Variants in PRDM5 observed in about 807,000 individuals in gnomAD.
PRDM5 encodes PR domain zinc finger protein 5.
A neutral mutation model predicts 81.2 loss-of-function variants in PRDM5; 56 were observed. The ratio of observed to expected loss-of-function variants is 0.69; its 90% confidence interval spans 0.56 to 0.86. PRDM5 has a LOEUF of 0.86. Ranked by LOEUF, PRDM5 falls within the 40% of genes least tolerant of loss-of-function variation. The probability of loss-of-function intolerance (pLI) is 0.00; values close to 1 mark genes in which losing one functional copy is unlikely to be tolerated. For missense variants in PRDM5, 697 were observed against 770.1 expected (o/e 0.91, Z 1.12); for synonymous variants, 267 against 256.4 (o/e 1.04, Z -0.39).
intron 15 of PRDM5, among the ~76,000 whole-genome samples, chr4:120,699,168 ATATATAT>A (rs1734960398): frequency 3.8e-4 from 11 of 29,188 alleles, no homozygotes; most frequent in Admixed American, 4.5e-4. Flanking sequence ...ATAAATATAT[ATATATAT>A]ATATATATAT....
chr4:120,694,762 A>G lies in PRDM5; in HGVS notation c.*349T>C. The G allele has an allele frequency of 1.5e-5, 4 of 275,370 alleles. No individual in the cohort carries two copies. The South Asian group carries it at 1.7e-4, about 12-fold the overall frequency. The allele number at this position is 275,370 out of a possible 1,614,324, so 17.1% of individuals were successfully genotyped here. A position where few individuals can be genotyped will look rare whatever the true frequency, so the allele number is the denominator to read the frequency against. On this transcript the variant is annotated 3_prime_UTR_variant, in exon 16 of 16. Coordinates refer to ENST00000264808, the MANE Select transcript of PRDM5 (RefSeq NM_018699.4). ...ACACAGACACACAGACACACAAAGA[A>G]TAACAATAAAATAAAAAGGCCTATT...
rs1434367067 is a variant in PRDM5, at chr4:120,811,458, G to T, written c.866-9C>A. The T allele has an allele frequency of 1.3e-6, 2 of 1,504,196 alleles. No individual in the cohort carries two copies. Among genetic ancestry groups the T allele is most frequent in the Middle Eastern group, 1.7e-4 (1 of 5,788 alleles). The allele number at this position is 1,504,196 out of a possible 1,614,324, so 93.2% of individuals were successfully genotyped here. On this transcript the variant is annotated splice_polypyrimidine_tract_variant and intron_variant, in intron 7 of 15. Transcript: ENST00000264808. ...CTTTTTCTTAGGATCTCCTAAAATAGAAATAAAATACCATGATGATTTAAA... is the reference window on the plus strand; with the variant it reads ...CTTTTTCTTAGGATCTCCTAAAATATAAATAAAATACCATGATGATTTAAA...
chr4:120,894,107 G>C (rs1764359562), intron 2 of PRDM5, among the ~76,000 whole-genome samples: 1 of 151,776 alleles, frequency 6.6e-6, no homozygotes, highest in South Asian at 2.1e-4. Context: ...CTCATTCCTT[G>C]CCTTCTTTTT....
intron 2 of PRDM5, among the ~76,000 whole-genome samples, chr4:120,872,150 CAAA>C (rs70948365): frequency 2.2e-3 from 94 of 41,818 alleles, no homozygotes; most frequent in Non-Finnish European, 3.0e-3. Context: ...GACTCCATCT[CAAA>C]AAAAAAAAAA....
intron 3 of PRDM5, among the ~76,000 whole-genome samples, chr4:120,851,572 T>G (rs1372997868): frequency 6.6e-6 from 1 of 152,086 alleles, no homozygotes; most frequent in Non-Finnish European, 1.5e-5. Context: ...GATCCTATTT[T>G]CCATGTCACC....
chr4:120,709,615 A>G (rs1214548369), intron 15 of PRDM5, among the ~76,000 whole-genome samples: 1 of 152,200 alleles, frequency 6.6e-6, no homozygotes, highest in African/African-American at 2.4e-5. Flanking sequence ...GCCATATCAC[A>G]CAGCACAGCT....
intron 1 of PRDM5, among the ~76,000 whole-genome samples, chr4:120,918,958 C>T (rs183647838): frequency 2.0e-4 from 30 of 152,308 alleles, no homozygotes; most frequent in Middle Eastern, 3.4e-3. Flanking sequence ...TGCCAAGTGG[C>T]CAGCCCACAG....
At chr4:120,843,200 G>A (rs1303544667) in intron 3 of PRDM5, among the ~76,000 whole-genome samples, 2 of 152,076 alleles carry the variant, frequency 1.3e-5, no homozygotes, top group Non-Finnish European at 2.9e-5. Context: ...CAGGCGTGAT[G>A]ATGTGCACCT....
intron 13 of PRDM5, among the ~76,000 whole-genome samples, chr4:120,774,062 T>C (rs1747701026): frequency 6.6e-6 from 1 of 152,252 alleles, no homozygotes; most frequent in South Asian, 2.1e-4. Context: ...TAATTTCTAA[T>C]ATGGCAAATA....
At chr4:120,697,962 A>AT (rs1553942032) in intron 15 of PRDM5, among the ~76,000 whole-genome samples, 4,948 of 69,744 alleles carry the variant, frequency 0.071, 126 homozygotes, top group Middle Eastern at 0.13. Flanking sequence ...ATAAAATAAA[A>AT]TAAAAAAAAA....
At chr4:120,832,583 C>A (rs1421406314) in intron 3 of PRDM5, among the ~76,000 whole-genome samples, 1 of 152,168 alleles carries the variant, frequency 6.6e-6, no homozygotes, top group Non-Finnish European at 1.5e-5. Flanking sequence ...CCCCTGAGGG[C>A]AGGCACTATA....
intron 2 of PRDM5, among the ~76,000 whole-genome samples, chr4:120,899,296 T>C (rs1764990010): frequency 6.6e-6 from 1 of 152,146 alleles, no homozygotes; most frequent in South Asian, 2.1e-4. Context: ...GCTGGAGACC[T>C]GTCTCTCTCC....
chr4:120,716,754 G>C (rs1737811658), intron 14 of PRDM5, among the ~76,000 whole-genome samples: 1 of 152,154 alleles, frequency 6.6e-6, no homozygotes, highest in Non-Finnish European at 1.5e-5. Flanking sequence ...AAGTCTTAGA[G>C]AATTCTTGCT....
chr4:120,784,881 A>C (rs892459092), intron 11 of PRDM5, 117 bp downstream of exon 11: 1 of 770,628 alleles, frequency 1.3e-6, no homozygotes, highest in African/African-American at 1.7e-5. Flanking sequence ...TTATGTTTAC[A>C]GTCAGATTAT....
At chr4:120,807,655 G>A (rs552000655) in intron 8 of PRDM5, among the ~76,000 whole-genome samples, 8 of 152,230 alleles carry the variant, frequency 5.3e-5, no homozygotes, top group African/African-American at 1.2e-4. Flanking sequence ...GAATGAAGCC[G>A]CAGACCCTCA....
chr4:120,725,034 T>G (rs1047710649), intron 14 of PRDM5, among the ~76,000 whole-genome samples: 2 of 152,226 alleles, frequency 1.3e-5, no homozygotes, highest in Non-Finnish European at 2.9e-5. Context: ...CTGGCAGAGA[T>G]CTTGCTAGAT....
intron 10 of PRDM5, among the ~76,000 whole-genome samples, chr4:120,791,536 T>C (rs950882767): frequency 6.6e-6 from 1 of 152,362 alleles, no homozygotes; most frequent in Admixed American, 6.5e-5. Context: ...GTGCCTTCTA[T>C]GGTAGAATAC....
intron 15 of PRDM5, among the ~76,000 whole-genome samples, chr4:120,708,560 T>C (rs569603506): frequency 6.6e-6 from 1 of 151,986 alleles, no homozygotes; most frequent in South Asian, 2.1e-4. Flanking sequence ...GTTAGAGAGG[T>C]GGTGCTTGTA....
intron 3 of PRDM5, among the ~76,000 whole-genome samples, chr4:120,822,722 T>C (rs1375244776): frequency 6.6e-6 from 1 of 152,094 alleles, no homozygotes; most frequent in Non-Finnish European, 1.5e-5. Flanking sequence ...TTTAAAACAA[T>C]ATATATTAGA....
Sources: allele counts gnomAD v4.1 joint callset (sites outside exome capture counted in the v4.1 genomes callset), GRCh38; gene constraint gnomAD v4.1.1; transcripts MANE v1.5; gene names NCBI Gene and HGNC (gene_info 2026-07-23, HGNC 2026-07-21).